Variants in BAIAP2L1 observed in about 807,000 individuals in gnomAD.
The protein encoded by BAIAP2L1 is BAR/IMD domain-containing adapter protein 2-like 1.
A neutral mutation model predicts 66.3 loss-of-function variants in BAIAP2L1; 35 were observed. The observed-to-expected ratio is 0.53, with a 90% CI of 0.40 to 0.70. The LOEUF is 0.70. Ranked by LOEUF, BAIAP2L1 falls within the 30% of genes least tolerant of loss-of-function variation. The probability of loss-of-function intolerance (pLI) is 0.00; values close to 1 mark genes in which losing one functional copy is unlikely to be tolerated. For missense variants in BAIAP2L1, 622 were observed against 656.9 expected (o/e 0.95, Z 0.58); for synonymous variants, 269 against 248.7 (o/e 1.08, Z -0.77).
intron 12 of BAIAP2L1, among the ~76,000 whole-genome samples, chr7:98,296,300 C>T (rs1800189491): frequency 6.6e-6 from 1 of 152,202 alleles, no homozygotes; most frequent in African/African-American, 2.4e-5. Context: ...GCTTTTCTGT[C>T]TGTGGTATTC....
At chr7:98,393,074 TACACACACATATATAC>T (rs1275751229) in intron 1 of BAIAP2L1, among the ~76,000 whole-genome samples, 3 of 132,026 alleles carry the variant, frequency 2.3e-5, no homozygotes, top group African/African-American at 9.8e-5. Context: ...CATATATGTA[TACACACACATATATAC>T]ATATATACGT....
At position 98,318,066 on chromosome 7, in the gene BAIAP2L1, G is replaced by A. The variant is rs1801132635; in HGVS notation, c.349-710C>T. ...CTCACACCATCTGCATGCTGGCTGGGACCCTCAACCCGCAGTTCACACCAT... is the reference window on the plus strand; with the variant it reads ...CTCACACCATCTGCATGCTGGCTGGAACCCTCAACCCGCAGTTCACACCAT... On this transcript the variant is annotated intron_variant, in intron 5 of 13. Coordinates refer to ENST00000005260, the MANE Select transcript of BAIAP2L1 (RefSeq NM_018842.5). Among the ~76,000 whole-genome samples the A allele has an allele frequency of 3.9e-5, 6 of 152,096 alleles. No homozygotes were observed. The South Asian group carries it at 1.2e-3, about 32-fold the overall frequency.
At chr7:98,382,629 A>C (rs1802784753) in intron 1 of BAIAP2L1, among the ~76,000 whole-genome samples, 1 of 152,224 alleles carries the variant, frequency 6.6e-6, no homozygotes, top group Non-Finnish European at 1.5e-5. Context: ...TTTAAGGTCC[A>C]CAGATACCAT....
chr7:98,378,302 C>T lies in BAIAP2L1; in HGVS notation c.52-15870G>A, dbSNP rs376783430. Among the ~76,000 whole-genome samples, 7 of 152,286 alleles carry T rather than the reference C, an allele frequency of 4.6e-5. No homozygotes were observed. The South Asian group carries it at 1.0e-3, about 23-fold the overall frequency. On this transcript the variant is annotated intron_variant, in intron 1 of 13. Transcript: ENST00000005260. ...CCTGGTGTGTTTTAGCCTCAGTTCT[C>T]GTGTCCATCATAAGTGAATGTCATC...
At chr7:98,320,361 G>C (rs1801209729) in intron 3 of BAIAP2L1, 63 bp from the exon 4 acceptor site, 1 of 1,308,304 alleles carries the variant, frequency 7.6e-7, no homozygotes, top group Non-Finnish European at 1.1e-6. Context: ...TTGAAATGGA[G>C]TTTTTGCTCT....
intron 2 of BAIAP2L1, among the ~76,000 whole-genome samples, 189 bp downstream of exon 2, chr7:98,362,168 T>C (rs1009571883): frequency 2.0e-5 from 3 of 152,218 alleles, no homozygotes; most frequent in Non-Finnish European, 4.4e-5. Flanking sequence ...CTCACTTTCA[T>C]TCAATTGACT....
chr7:98,293,634 C>T (rs778466050), intron 13 of BAIAP2L1, 38 bp from the exon 14 acceptor site: 2 of 1,586,382 alleles, frequency 1.3e-6, no homozygotes, highest in Non-Finnish European at 1.7e-6. Context: ...AACTTCTGCT[C>T]TACGAGGGAA....
chr7:98,310,839 C>T (rs996468481), intron 8 of BAIAP2L1, among the ~76,000 whole-genome samples: 1 of 152,080 alleles, frequency 6.6e-6, no homozygotes, highest in Non-Finnish European at 1.5e-5. Flanking sequence ...GCACGCACTA[C>T]CACATCTGGC....
Position 98,312,156 on chromosome 7 carries a change from C to A in BAIAP2L1, c.748G>T (p.Ala250Ser), listed in dbSNP as rs375051431. The A allele has an allele frequency of 1.4e-5, 23 of 1,613,834 alleles. No homozygotes were observed. In the South Asian group the frequency reaches 2.5e-4, roughly 18 times the overall value. Residue 250 changes from alanine to serine, a missense_variant, in exon 8 of 14, where the codon GCC becomes TCC. Physicochemically the swap from Ala to Ser is moderately conservative, Grantham distance 99 (BLOSUM62 1). Transcript: ENST00000005260. ...GGAGTTCCAGACACGGGGGTAGAGGCTGGGGTCTTTATTTCTTCGATCATA... is the reference window on the plus strand; with the variant it reads ...GGAGTTCCAGACACGGGGGTAGAGGATGGGGTCTTTATTTCTTCGATCATA... ...MNMIEEIKTP[A>S]STPVSGTPQA...
chr7:98,398,763 T>C (rs1367381444), intron 1 of BAIAP2L1, among the ~76,000 whole-genome samples: 1 of 152,184 alleles, frequency 6.6e-6, no homozygotes, highest in East Asian at 1.9e-4. Flanking sequence ...AAGGAGTTAT[T>C]ACTAAAAGTC....
chr7:98,334,989 T>G (rs1801580780), intron 3 of BAIAP2L1, among the ~76,000 whole-genome samples: 1 of 149,904 alleles, frequency 6.7e-6, no homozygotes, highest in African/African-American at 2.4e-5. Context: ...GTTTCTCTAC[T>G]AAAAATACAA....
At chr7:98,293,796 G>T (rs960532872) in intron 13 of BAIAP2L1, among the ~76,000 whole-genome samples, 200 bp from the exon 14 acceptor site, 1 of 152,220 alleles carries the variant, frequency 6.6e-6, no homozygotes, top group Non-Finnish European at 1.5e-5. Flanking sequence ...GCTGCAGAAC[G>T]ATCCCAGGTT....
At chr7:98,393,071 G>GTA (rs372759485) in intron 1 of BAIAP2L1, among the ~76,000 whole-genome samples, 50,317 of 125,474 alleles carry the variant, frequency 0.4, 11,853 homozygotes, top group Middle Eastern at 0.56. Flanking sequence ...ACACATATAT[G>GTA]TATACACACA....
At chr7:98,376,577 T>C (rs1802636295) in intron 1 of BAIAP2L1, among the ~76,000 whole-genome samples, 2 of 147,958 alleles carry the variant, frequency 1.4e-5, no homozygotes, top group African/African-American at 4.9e-5. Flanking sequence ...TCCCAGCACT[T>C]TGGGAGGCCG....
At chr7:98,345,346 A>G (rs893385843) in intron 3 of BAIAP2L1, among the ~76,000 whole-genome samples, 12 of 152,222 alleles carry the variant, frequency 7.9e-5, no homozygotes, top group Non-Finnish European at 1.8e-4. Context: ...TTGCAAACTC[A>G]ATAATAAAAA....
At chr7:98,392,378 C>A (rs575541375) in intron 1 of BAIAP2L1, among the ~76,000 whole-genome samples, 2 of 152,174 alleles carry the variant, frequency 1.3e-5, no homozygotes, top group African/African-American at 4.8e-5. Flanking sequence ...GGCTAGAGTT[C>A]AGGGAAAGGC....
intron 9 of BAIAP2L1, chr7:98,309,021 C>CA (rs1376929924): frequency 6.6e-6 from 1 of 151,134 alleles, no homozygotes; most frequent in African/African-American, 2.4e-5. Context: ...AGTAATACAA[C>CA]AAGCATCTTT....
At chr7:98,377,164 T>A (rs1802653049) in intron 1 of BAIAP2L1, among the ~76,000 whole-genome samples, 1 of 152,178 alleles carries the variant, frequency 6.6e-6, no homozygotes, top group South Asian at 2.1e-4. Flanking sequence ...TATATAGATA[T>A]ACATATACAT....
chr7:98,341,144 T>C (rs764896908), intron 3 of BAIAP2L1, among the ~76,000 whole-genome samples: 5 of 151,974 alleles, frequency 3.3e-5, no homozygotes, highest in Admixed American at 2.0e-4. Context: ...AGGAAAAAAA[T>C]TATTTTCCAA....
Sources: allele counts gnomAD v4.1 joint callset (sites outside exome capture counted in the v4.1 genomes callset), GRCh38; gene constraint gnomAD v4.1.1; transcripts MANE v1.5; gene names NCBI Gene and HGNC (gene_info 2026-07-23, HGNC 2026-07-21).